RAB3IL1: variants seen among roughly 807,000 people sequenced by gnomAD.
RAB3IL1 encodes guanine nucleotide exchange factor for Rab-3A.
RAB3IL1 carries 37 observed loss-of-function variants against 49.2 expected under a neutral mutation model. The ratio of observed to expected loss-of-function variants is 0.75; its 90% confidence interval spans 0.58 to 0.99. RAB3IL1 has a LOEUF of 0.99. RAB3IL1 is among the 50% of genes least tolerant of loss of function. The pLI is 0.00. For missense variants in RAB3IL1, 484 were observed against 513.0 expected, an observed-to-expected ratio of 0.94 and a Z score of 0.55; for synonymous variants, 193 against 213.9, an observed-to-expected ratio of 0.90 and a Z score of 0.85.
At chr11:61,945,801 T>C in the RAB3IL1 span, 2 of 985,246 alleles carry the variant, frequency 2.0e-6, no homozygotes, top group South Asian at 4.7e-5. Flanking sequence ...GCAGAGTCCA[T>C]GGGGGACCTC....
chr11:61,907,745 A>G, intron 2 of RAB3IL1, 85 bp from the exon 3 acceptor site: 1 of 1,235,318 alleles, frequency 8.1e-7, no homozygotes, highest in South Asian at 1.3e-5. Context: ...ACCAGGTTCC[A>G]TCCCCTCGTC....
chr11:61,918,162 CAT>C (rs1939792875), upstream of RAB3IL1, among the ~76,000 whole-genome samples: 1 of 152,054 alleles, frequency 6.6e-6, no homozygotes, highest in African/African-American at 2.4e-5. Flanking sequence ...GACACACACA[CAT>C]ACACACACCT....
chr11:61,934,450 GTATATATATATATATATATATATATA>G, the RAB3IL1 span, among the ~76,000 whole-genome samples: 158 of 31,630 alleles, frequency 5.0e-3, 2 homozygotes, highest in Admixed American at 0.011. Context: ...GTGTGTGTAT[GTATATATATATATATATATATATATA>G]TATATATATA....
At chr11:61,908,734 T>A (rs1312365278) in intron 1 of RAB3IL1, among the ~76,000 whole-genome samples, 1 of 152,216 alleles carries the variant, frequency 6.6e-6, no homozygotes. Context: ...ACACCTCGGA[T>A]GCACTCAAGC....
At chr11:61,935,424 AAAAAAAAAAAAAAAG>A in the RAB3IL1 span, among the ~76,000 whole-genome samples, 15,806 of 151,398 alleles carry the variant, frequency 0.1, 1,490 homozygotes, top group East Asian at 0.56. Flanking sequence ...TGTCTCAAAA[AAAAAAAAAAAAAAAG>A]AAAGAAACTG....
At chr11:61,905,739 G>A (rs1300283048) in intron 5 of RAB3IL1, among the ~76,000 whole-genome samples, 3 of 152,208 alleles carry the variant, frequency 2.0e-5, no homozygotes, top group African/African-American at 7.2e-5. Context: ...CAGGGACCCA[G>A]GAAGCTGAAG....
chr11:61,916,303 G>A (rs1463626762), intron 1 of RAB3IL1, among the ~76,000 whole-genome samples: 3 of 151,070 alleles, frequency 2.0e-5, no homozygotes, highest in Non-Finnish European at 2.9e-5. Context: ...CTGAGATCTC[G>A]CCACTGCACT....
chr11:61,928,274 G>A, the RAB3IL1 span, among the ~76,000 whole-genome samples: 1 of 152,134 alleles, frequency 6.6e-6, no homozygotes, highest in African/African-American at 2.4e-5. Context: ...AAAGGAAAGT[G>A]CAGCCAAAGC....
the RAB3IL1 span, among the ~76,000 whole-genome samples, chr11:61,930,662 C>A: frequency 6.6e-6 from 1 of 152,244 alleles, no homozygotes; most frequent in Non-Finnish European, 1.5e-5. Context: ...CCTGTAGTCC[C>A]AGCTACTTGG....
intron 2 of RAB3IL1, 62 bp from the exon 3 acceptor site, chr11:61,907,722 C>G (rs1939269657): frequency 6.2e-6 from 9 of 1,459,840 alleles, no homozygotes; most frequent in Non-Finnish European, 3.8e-6. Flanking sequence ...ACGGGAGGGA[C>G]CAGGCCCACC....
intron 1 of RAB3IL1, 96 bp downstream of exon 1, chr11:61,917,261 C>T: frequency 5.3e-6 from 7 of 1,319,760 alleles, no homozygotes; most frequent in East Asian, 3.2e-5. Flanking sequence ...CTCCGGGTGG[C>T]GGCGCAGACC....
chr11:61,919,156 C>T (rs1177970186), upstream of RAB3IL1, among the ~76,000 whole-genome samples: 1 of 152,202 alleles, frequency 6.6e-6, no homozygotes, highest in Non-Finnish European at 1.5e-5. Flanking sequence ...TCTTCACAAG[C>T]CCCGGCAGGA....
chr11:61,924,410 CTCTGAGAGAT>C (rs1939962213), upstream of RAB3IL1, among the ~76,000 whole-genome samples: 2 of 152,158 alleles, frequency 1.3e-5, no homozygotes, highest in Non-Finnish European at 2.9e-5. Flanking sequence ...CCAGGCCAGC[CTCTGAGAGAT>C]TCGAATTAAC....
chr11:61,901,643 C>CA (rs1037227237), intron 8 of RAB3IL1, among the ~76,000 whole-genome samples: 14 of 152,378 alleles, frequency 9.2e-5, no homozygotes, highest in African/African-American at 3.4e-4. Flanking sequence ...CCCTGTGCAA[C>CA]AAGGCCCTGT....
Position 61,904,786 on chromosome 11 carries a change from C to G in RAB3IL1, c.754G>C (p.Val252Leu). ...ATTGTGAAGTCCAGGCAGGGGCCCA[C>G]GTCCTCTCGGTACACCCTTTCCAGG... ...PFLERVYREDVGPCLDFTMQE... is the reference protein window; with the variant it reads ...PFLERVYREDLGPCLDFTMQE... The change falls in exon 6 of 10, where the codon GTG (valine) becomes CTG (leucine). Residue 252 changes from valine (V) to leucine (L), a missense_variant. Val to Leu is a conservative substitution (Grantham distance 32, BLOSUM62 1). Transcript: ENST00000394836. 6.2e-7 allele frequency: 1 copy of G among 1,609,478 alleles called. No individual in the cohort carries two copies. Among genetic ancestry groups the G allele is most frequent in the Non-Finnish European group, 8.5e-7 (1 of 1,178,510 alleles).
upstream of RAB3IL1, among the ~76,000 whole-genome samples, chr11:61,922,583 AAAGAAGTGTTTC>A (rs1565371445): frequency 2.1e-5 from 3 of 143,876 alleles, no homozygotes; most frequent in Admixed American, 7.0e-5. Flanking sequence ...GTGTAGACTG[AAAGAAGTGTTTC>A]CTTCCTTCAG....
chr11:61,927,793 T>C, the RAB3IL1 span, among the ~76,000 whole-genome samples: 4 of 152,074 alleles, frequency 2.6e-5, no homozygotes, highest in South Asian at 2.1e-4. Context: ...GCTCTGGCCA[T>C]GTAAGATGTG....
At chr11:61,936,111 T>A in the RAB3IL1 span, among the ~76,000 whole-genome samples, 1 of 151,996 alleles carries the variant, frequency 6.6e-6, no homozygotes, top group African/African-American at 2.4e-5. Context: ...AGATTAACAA[T>A]CTGAGAAACA....
intron 1 of RAB3IL1, among the ~76,000 whole-genome samples, chr11:61,913,016 AG>A (rs1939525852): frequency 6.6e-6 from 1 of 151,964 alleles, no homozygotes; most frequent in African/African-American, 2.4e-5. Flanking sequence ...AGGAACTGGG[AG>A]GGGGTCTTTC....
Sources: gnomAD v4.1 joint callset for allele counts (sites outside exome capture counted in the v4.1 genomes callset) on GRCh38, gnomAD v4.1.1 for gene constraint, MANE v1.5 for transcripts, NCBI Gene and HGNC (gene_info 2026-07-23, HGNC 2026-07-21) for gene names.